The following KCNC2 variants were observed in gnomAD, a reference collection of about 807,000 sequenced individuals.
KCNC2 encodes the protein voltage-gated potassium channel KCNC2.
A neutral mutation model predicts 44.5 loss-of-function variants in KCNC2; 21 were observed. The ratio of observed to expected loss-of-function variants is 0.47; its 90% CI spans 0.33 to 0.68. The LOEUF is 0.68. Ranked by LOEUF, KCNC2 falls within the 30% of genes least tolerant of loss-of-function variation. The pLI, the probability that KCNC2 is intolerant of heterozygous loss-of-function variation, is 0.01. For synonymous variants in KCNC2, 391 were observed against 339.1 expected, an observed-to-expected ratio of 1.15 and a Z score of -1.68; for missense variants, 589 against 826.2, an observed-to-expected ratio of 0.71 and a Z score of 3.52.
chr12:75,186,210 C>A (rs761318575), intron 2 of KCNC2, among the ~76,000 whole-genome samples: 2 of 151,748 alleles, frequency 1.3e-5, no homozygotes, highest in Non-Finnish European at 2.9e-5. Context: ...TTCTCTGAGG[C>A]GCCTTCTTGG....
At chr12:75,161,798 G>A (rs576646358) in intron 2 of KCNC2, among the ~76,000 whole-genome samples, 16 of 151,746 alleles carry the variant, frequency 1.1e-4, no homozygotes, top group African/African-American at 3.9e-4. Context: ...AGAAAAAACA[G>A]CCTTATTCTC....
At chr12:75,190,422 A>T (rs2471648) in intron 2 of KCNC2, among the ~76,000 whole-genome samples, 73,801 of 151,610 alleles carry the variant, frequency 0.49, 20,303 homozygotes, top group African/African-American at 0.77. Context: ...GGTGATGCTA[A>T]CAATCAAAGG....
chr12:75,064,648 A>C (rs1239600107), intron 2 of KCNC2, among the ~76,000 whole-genome samples: 2 of 152,042 alleles, frequency 1.3e-5, no homozygotes, highest in Admixed American at 1.3e-4. Flanking sequence ...TTGTTCTGAA[A>C]TTGTCAGCAG....
chr12:75,104,081 C>T (rs1218397079), intron 2 of KCNC2, among the ~76,000 whole-genome samples: 1 of 149,258 alleles, frequency 6.7e-6, no homozygotes, highest in Non-Finnish European at 1.5e-5. Context: ...TGTCAGGAGA[C>T]ATGATGAGGT....
In KCNC2 at chr12:75,201,262, G is replaced by GAAAAAAAA. The variant is rs1313998973; in HGVS notation, c.687+6027_687+6034dup. On this transcript the variant is annotated intron_variant, in intron 2 of 4. Coordinates refer to ENST00000549446, the MANE Select transcript of KCNC2 (RefSeq NM_139137.4). The stretch of plus-strand genomic sequence containing the variant: ...GGGCAGAAAGTTACAAACGAAATTG[G>GAAAAAAAA]AAAAAAAAAAAAAAAAAAAAAAAAA... 1.4e-3 allele frequency among the ~76,000 whole-genome samples: 26 copies of GAAAAAAAA among 18,464 alleles called. 6 individuals carry two copies. The highest frequency in any genetic ancestry group is 2.7e-3 in the South Asian group (1 of 368). 12.1% of individuals were successfully genotyped at this position (18,464 alleles called of 152,430 possible).
intron 2 of KCNC2, among the ~76,000 whole-genome samples, chr12:75,063,135 G>A (rs1476114310): frequency 6.6e-6 from 1 of 151,734 alleles, no homozygotes; most frequent in African/African-American, 2.4e-5. Context: ...ATTCTGCTTT[G>A]TCATTTCTGT....
chr12:75,135,502 T>C (rs1222577903), intron 2 of KCNC2, among the ~76,000 whole-genome samples: 4 of 152,074 alleles, frequency 2.6e-5, no homozygotes, highest in African/African-American at 9.7e-5. Context: ...CATGCTTATA[T>C]TCAAACTTCA....
At chr12:75,180,834 C>T (rs893910117) in intron 2 of KCNC2, among the ~76,000 whole-genome samples, 1 of 152,008 alleles carries the variant, frequency 6.6e-6, no homozygotes, top group Admixed American at 6.6e-5. Context: ...AAAGAACCCA[C>T]TATAAAACTA....
At chr12:75,140,215 A>T in intron 2 of KCNC2, 1 of 152,104 alleles carries the variant, frequency 6.6e-6, no homozygotes, top group South Asian at 2.1e-4. Flanking sequence ...ACGTCAAGAG[A>T]GTAAGTCACA....
chr12:75,128,947 A>G (rs1888637867), intron 2 of KCNC2, among the ~76,000 whole-genome samples: 1 of 152,214 alleles, frequency 6.6e-6, no homozygotes, highest in Non-Finnish European at 1.5e-5. Context: ...TCAGGCTGTC[A>G]CCAAATAGGA....
At chr12:75,160,004 T>C (rs2137518486) in intron 2 of KCNC2, among the ~76,000 whole-genome samples, 1 of 151,988 alleles carries the variant, frequency 6.6e-6, no homozygotes, top group Non-Finnish European at 1.5e-5. Context: ...AATGAATAAA[T>C]GATAAACACT....
At chr12:75,181,491 G>A (rs559270854) in intron 2 of KCNC2, among the ~76,000 whole-genome samples, 3 of 151,950 alleles carry the variant, frequency 2.0e-5, no homozygotes, top group Admixed American at 6.6e-5. Flanking sequence ...TAAGTATACC[G>A]CACCTTCCCC....
Position 75,207,068 on chromosome 12 carries a change from CTGTT to C in KCNC2, c.687+225_687+228del, listed in dbSNP as rs2031742645. Among the ~76,000 whole-genome samples the C allele has an allele frequency of 6.6e-6, 1 of 152,120 alleles. No individual in the cohort carries two copies. Among genetic ancestry groups the C allele is most frequent in the African/African-American group, 2.4e-5 (1 of 41,422 alleles). On this transcript the variant is annotated intron_variant, in intron 2 of 4. Coordinates refer to ENST00000549446, the MANE Select transcript of KCNC2 (RefSeq NM_139137.4). The surrounding 1 kb of genome is among the most constrained non-coding windows in gnomAD (Gnocchi z 4.1). ...CTAGGTCCCATCTGCTAAAGCAAAT[CTGTT>C]TGAGTTGGGAGAAGAGGAGGAGGAG...
At position 75,165,834 on chromosome 12, in the gene KCNC2, C is replaced by A. The variant is rs1216983143; in HGVS notation, c.687+41463G>T. On this transcript the variant is annotated intron_variant, in intron 2 of 4. Coordinates refer to ENST00000549446, the MANE Select transcript of KCNC2 (RefSeq NM_139137.4). ...TACTAATATTTCAAGTAACAGATAT[C>A]TGGAAGCCCTACATAAATCCAACAG... 3.3e-5 allele frequency among the ~76,000 whole-genome samples: 5 copies of A among 151,564 alleles called. No individual in the cohort carries two copies. In the East Asian group the frequency reaches 9.8e-4, roughly 30 times the overall value.
At chr12:75,193,191 T>A (rs2030461062) in intron 2 of KCNC2, among the ~76,000 whole-genome samples, 3 of 152,150 alleles carry the variant, frequency 2.0e-5, no homozygotes, top group African/African-American at 7.2e-5. Flanking sequence ...GATAGTAAAC[T>A]TATCTTCTTA....
At chr12:75,140,747 T>C (rs951085488) in intron 2 of KCNC2, among the ~76,000 whole-genome samples, 1 of 152,046 alleles carries the variant, frequency 6.6e-6, no homozygotes. Context: ...TTCAGTGAAT[T>C]AAAGATTAGA....
intron 2 of KCNC2, among the ~76,000 whole-genome samples, chr12:75,153,786 TGAA>T (rs1184103776): frequency 5.9e-5 from 9 of 151,830 alleles, no homozygotes; most frequent in East Asian, 1.9e-4. Flanking sequence ...AAGAAAAACG[TGAA>T]GGAGAGAAAA....
At chr12:75,065,747 A>C (rs1016045022) in intron 2 of KCNC2, among the ~76,000 whole-genome samples, 4 of 152,140 alleles carry the variant, frequency 2.6e-5, no homozygotes, top group African/African-American at 9.6e-5. Flanking sequence ...CACACATAAC[A>C]ACAATGAAAT....
intron 2 of KCNC2, among the ~76,000 whole-genome samples, chr12:75,058,640 T>A (rs1159474375): frequency 6.6e-6 from 1 of 152,062 alleles, no homozygotes; most frequent in Non-Finnish European, 1.5e-5. Context: ...TTAAAGCACA[T>A]CTTACATAGT....
Sources: gnomAD v4.1 joint callset for allele counts (sites outside exome capture counted in the v4.1 genomes callset) on GRCh38, gnomAD v4.1.1 for gene constraint, Gnocchi (gnomAD v3.1) non-coding constraint, MANE v1.5 for transcripts, NCBI Gene and HGNC (gene_info 2026-07-23, HGNC 2026-07-21) for gene names.